LRRC4C: variants seen among roughly 807,000 people sequenced by gnomAD.
LRRC4C encodes the protein leucine rich repeat containing 4C.
A neutral mutation model predicts 33.6 loss-of-function variants in LRRC4C; 5 were observed. That is an observed-to-expected ratio of 0.15 (90% CI 0.08 to 0.31). The LOEUF is 0.31. Ranked by LOEUF, LRRC4C falls within the 10% of genes least tolerant of loss-of-function variation. The pLI is 1.00. For missense variants in LRRC4C, 560 were observed against 796.7 expected, an observed-to-expected ratio of 0.70 and a Z score of 3.58; for synonymous variants, 329 against 302.0, an observed-to-expected ratio of 1.09 and a Z score of -0.93.
At chr11:40,908,994 T>C (rs1956547547) in intron 2 of LRRC4C, among the ~76,000 whole-genome samples, 1 of 152,152 alleles carries the variant, frequency 6.6e-6, no homozygotes, top group South Asian at 2.1e-4. Flanking sequence ...GTTTTGCTCC[T>C]GACATTATTA....
At chr11:40,643,410 C>T (rs894432417) in intron 3 of LRRC4C, among the ~76,000 whole-genome samples, 10 of 152,084 alleles carry the variant, frequency 6.6e-5, no homozygotes, top group South Asian at 6.2e-4. Context: ...ATCAGGGTAG[C>T]GTCAAAGAAG....
At chr11:41,382,028 T>C (rs974739613) in intron 1 of LRRC4C, among the ~76,000 whole-genome samples, 3 of 151,860 alleles carry the variant, frequency 2.0e-5, no homozygotes, top group African/African-American at 7.2e-5. Flanking sequence ...AAGTCCAGAA[T>C]AGGAAAGCTG....
intron 1 of LRRC4C, among the ~76,000 whole-genome samples, chr11:41,435,454 C>G (rs1955393593): frequency 6.6e-6 from 1 of 152,036 alleles, no homozygotes; most frequent in South Asian, 2.1e-4. Flanking sequence ...TGATCAATAC[C>G]GATACAATAA....
intron 1 of LRRC4C, among the ~76,000 whole-genome samples, chr11:40,942,849 T>A (rs1253719293): frequency 6.6e-6 from 1 of 152,066 alleles, no homozygotes; most frequent in African/African-American, 2.4e-5. Context: ...CAATCCTAAC[T>A]CTAACACCTA....
intron 5 of LRRC4C, among the ~76,000 whole-genome samples, chr11:40,208,596 T>G (rs1863335958): frequency 6.6e-6 from 1 of 152,140 alleles, no homozygotes; most frequent in African/African-American, 2.4e-5. Context: ...CCCTGACAAC[T>G]GAAAGCTATT....
chr11:41,215,288 G>T (rs1312719883), intron 1 of LRRC4C, among the ~76,000 whole-genome samples: 1 of 151,514 alleles, frequency 6.6e-6, no homozygotes, highest in Non-Finnish European at 1.5e-5. Context: ...ATAAATTCAA[G>T]ACCAGCCTGG....
At chr11:41,432,661 C>A (rs1399599325) in intron 1 of LRRC4C, among the ~76,000 whole-genome samples, 1 of 152,036 alleles carries the variant, frequency 6.6e-6, no homozygotes, top group Non-Finnish European at 1.5e-5. Context: ...CATACACACA[C>A]ATGCACAGGC....
chr11:40,542,842 C>T (rs570752154), intron 3 of LRRC4C, among the ~76,000 whole-genome samples: 1 of 152,096 alleles, frequency 6.6e-6, no homozygotes, highest in Non-Finnish European at 1.5e-5. Flanking sequence ...TTTTCCCTCT[C>T]ATATTTTATT....
intron 1 of LRRC4C, among the ~76,000 whole-genome samples, chr11:41,232,157 A>G (rs1812300399): frequency 6.6e-6 from 1 of 152,014 alleles, no homozygotes. Context: ...GGGGAAGTTG[A>G]CAACATCCTC....
At chr11:40,268,078 C>T (rs1213338015) in intron 4 of LRRC4C, among the ~76,000 whole-genome samples, 1 of 152,092 alleles carries the variant, frequency 6.6e-6, no homozygotes, top group Non-Finnish European at 1.5e-5. Flanking sequence ...AGGTAAAGAC[C>T]CTGTATCCTT....
intron 1 of LRRC4C, among the ~76,000 whole-genome samples, chr11:41,151,075 T>C (rs1039432148): frequency 3.9e-5 from 6 of 152,014 alleles, no homozygotes; most frequent in African/African-American, 1.2e-4. Context: ...AGTTTTTTTT[T>C]CTGCAATCAG....
chr11:40,915,792 A>C (rs28891763), intron 2 of LRRC4C, among the ~76,000 whole-genome samples: 2 of 151,926 alleles, frequency 1.3e-5, no homozygotes, highest in Admixed American at 6.5e-5. Flanking sequence ...TTTGCAATCT[A>C]CTCATCTGAC....
intron 4 of LRRC4C, among the ~76,000 whole-genome samples, chr11:40,251,327 T>C (rs1426052483): frequency 6.6e-6 from 1 of 152,212 alleles, no homozygotes; most frequent in Non-Finnish European, 1.5e-5. Flanking sequence ...TATTGTGTGA[T>C]GTTATTTAAC....
chr11:40,276,076 T>C (rs1943079126), intron 4 of LRRC4C, among the ~76,000 whole-genome samples: 1 of 152,180 alleles, frequency 6.6e-6, no homozygotes, highest in Admixed American at 6.5e-5. Flanking sequence ...GAGGAGATTT[T>C]GATTACAGGG....
intron 4 of LRRC4C, among the ~76,000 whole-genome samples, chr11:40,303,886 G>A (rs1362834571): frequency 2.0e-5 from 3 of 152,154 alleles, no homozygotes; most frequent in Non-Finnish European, 2.9e-5. Flanking sequence ...GATCAACAGA[G>A]CAATGTGATT....
chr11:40,538,219 C>A (rs796635459), intron 3 of LRRC4C, among the ~76,000 whole-genome samples: 28 of 152,222 alleles, frequency 1.8e-4, no homozygotes, highest in African/African-American at 6.0e-4. Flanking sequence ...GCTCTCATCA[C>A]TCTGAGTAAT....
intron 3 of LRRC4C, among the ~76,000 whole-genome samples, chr11:40,435,442 G>T (rs1435447470): frequency 2.6e-5 from 4 of 152,198 alleles, no homozygotes; most frequent in East Asian, 1.9e-4. Flanking sequence ...ATGGGGAGGA[G>T]TGATGGGAGG....
At chr11:40,345,032 T>C (rs533634119) in intron 3 of LRRC4C, among the ~76,000 whole-genome samples, 42 of 152,278 alleles carry the variant, frequency 2.8e-4, no homozygotes, top group African/African-American at 9.9e-4. Flanking sequence ...AAACATTACA[T>C]GCTCATAGGA....
intron 1 of LRRC4C, among the ~76,000 whole-genome samples, chr11:41,235,876 G>A (rs1947999692): frequency 6.6e-6 from 1 of 152,048 alleles, no homozygotes; most frequent in Non-Finnish European, 1.5e-5. Context: ...ACAGCTGAAT[G>A]AAAGGGTAAT....
Sources: allele counts gnomAD v4.1 joint callset (sites outside exome capture counted in the v4.1 genomes callset), GRCh38; gene constraint gnomAD v4.1.1; transcripts MANE v1.5; gene names NCBI Gene and HGNC (gene_info 2026-07-23, HGNC 2026-07-21).